Variants in ARHGAP25 observed in about 807,000 individuals in gnomAD.
The protein encoded by ARHGAP25 is Rho GTPase activating protein 25, also known as rho GTPase-activating protein 25.
A neutral mutation model predicts 71.0 loss-of-function variants in ARHGAP25; 34 were observed. The ratio of observed to expected loss-of-function variants is 0.48; its 90% CI spans 0.36 to 0.64. The LOEUF (loss-of-function observed/expected upper bound fraction) is 0.64. ARHGAP25 is among the 30% of genes least tolerant of loss of function. ARHGAP25 has a pLI of 0.00. For missense variants in ARHGAP25, 706 were observed against 805.1 expected, an observed-to-expected ratio of 0.88 and a Z score of 1.49; for synonymous variants, 282 against 296.5, an observed-to-expected ratio of 0.95 and a Z score of 0.50.
chr2:68,741,273 G>A (rs1413914364), intron 1 of ARHGAP25, among the ~76,000 whole-genome samples: 1 of 152,184 alleles, frequency 6.6e-6, no homozygotes, highest in East Asian at 1.9e-4. Context: ...AAATGAGAAT[G>A]AAGAATGGAG....
At chr2:68,820,237 G>A (rs1319270603) in intron 9 of ARHGAP25, among the ~76,000 whole-genome samples, 3 of 152,178 alleles carry the variant, frequency 2.0e-5, no homozygotes, top group Non-Finnish European at 1.5e-5. Context: ...TCATTTAATA[G>A]GTTTCTGCCA....
chr2:68,761,874 C>T (rs35412639), intron 1 of ARHGAP25, among the ~76,000 whole-genome samples: 7,407 of 152,194 alleles, frequency 0.049, 255 homozygotes, highest in Middle Eastern at 0.095. Flanking sequence ...CCCACAATTC[C>T]GCATCTAAAT....
intron 1 of ARHGAP25, among the ~76,000 whole-genome samples, chr2:68,764,944 T>C (rs924208696): frequency 6.6e-5 from 10 of 152,314 alleles, no homozygotes; most frequent in African/African-American, 2.4e-4. Flanking sequence ...TTGTTATTAT[T>C]GAGCTAGTCC....
At chr2:68,797,654 T>A (rs1281222550) in intron 4 of ARHGAP25, among the ~76,000 whole-genome samples, 1 of 152,188 alleles carries the variant, frequency 6.6e-6, no homozygotes, top group East Asian at 1.9e-4. Flanking sequence ...ACCACCCAAG[T>A]TCTCCCATGC....
intron 4 of ARHGAP25, among the ~76,000 whole-genome samples, chr2:68,795,929 A>G (rs994786248): frequency 1.8e-4 from 27 of 152,148 alleles, no homozygotes; most frequent in African/African-American, 6.3e-4. Context: ...TTGTTTCATG[A>G]ATCTGGATGC....
At chr2:68,812,617 G>A (rs1680913113) in intron 5 of ARHGAP25, among the ~76,000 whole-genome samples, 1 of 152,136 alleles carries the variant, frequency 6.6e-6, no homozygotes, top group African/African-American at 2.4e-5. Flanking sequence ...CTGGGTCCTG[G>A]GCTTCCCATA....
chr2:68,769,075 G>C (rs1028134446), intron 1 of ARHGAP25, among the ~76,000 whole-genome samples: 3 of 152,072 alleles, frequency 2.0e-5, no homozygotes, highest in Non-Finnish European at 2.9e-5. Context: ...GTTCAGCAGG[G>C]GGCTGAGTCC....
At chr2:68,810,128 T>TAAAAAAAAAAAAA (rs11332513) in intron 5 of ARHGAP25, among the ~76,000 whole-genome samples, 1 of 129,146 alleles carries the variant, frequency 7.7e-6, no homozygotes, top group Non-Finnish European at 1.6e-5. Flanking sequence ...AGCCCTTGAT[T>TAAAAAAAAAAAAA]AAAAAAAAAA....
At chr2:68,802,284 T>C (rs958407780) in intron 4 of ARHGAP25, among the ~76,000 whole-genome samples, 7 of 151,812 alleles carry the variant, frequency 4.6e-5, no homozygotes, top group African/African-American at 1.7e-4. Flanking sequence ...GGCACGTGCC[T>C]GTAGTCCCAG....
At chr2:68,757,947 G>T (rs1191868372) in intron 1 of ARHGAP25, among the ~76,000 whole-genome samples, 3 of 152,014 alleles carry the variant, frequency 2.0e-5, no homozygotes, top group African/African-American at 7.2e-5. Context: ...GTAATTCTGA[G>T]ACATCTGCAA....
At chr2:68,807,532 T>C (rs1680462705) in intron 5 of ARHGAP25, 52 bp downstream of exon 5, 2 of 1,577,782 alleles carry the variant, frequency 1.3e-6, no homozygotes, top group East Asian at 4.5e-5. Context: ...CTGCTTGGCT[T>C]GGCTGGGAGG....
rs1675137315 is a variant in ARHGAP25 at position 68,735,139 on chromosome 2, A to G, written c.-61A>G. On this transcript the variant is annotated 5_prime_UTR_variant, in exon 1 of 11. Transcript: ENST00000409202. Reference sequence around the variant, plus strand: ...CAGAGGGAAAGAGTGAAAAGACAAGAAGGGCGCAAACTGTGACAGACTCAC... The same window carrying G: ...CAGAGGGAAAGAGTGAAAAGACAAGGAGGGCGCAAACTGTGACAGACTCAC... 1.4e-6 allele frequency: 2 copies of G among 1,382,052 alleles called. No homozygotes were observed. Among genetic ancestry groups the G allele is most frequent in the African/African-American group, 2.9e-5 (2 of 70,026 alleles). The allele number at this position is 1,382,052 out of a possible 1,614,324, so 85.6% of individuals were successfully genotyped here.
intron 2 of ARHGAP25, among the ~76,000 whole-genome samples, chr2:68,722,218 G>T (rs1674778958): frequency 6.6e-6 from 1 of 152,204 alleles, no homozygotes; most frequent in Non-Finnish European, 1.5e-5. Context: ...TTCTTAATAA[G>T]CCACAAGCTC....
At chr2:68,754,508 C>T (rs1676365899) in intron 1 of ARHGAP25, among the ~76,000 whole-genome samples, 1 of 152,188 alleles carries the variant, frequency 6.6e-6, no homozygotes, top group Non-Finnish European at 1.5e-5. Flanking sequence ...GGGATTGTCT[C>T]TAACTTTTAG....
chr2:68,807,504 C>A, intron 5 of ARHGAP25, 24 bp downstream of exon 5: 1 of 1,606,024 alleles, frequency 6.2e-7, no homozygotes, highest in Non-Finnish European at 8.5e-7. Context: ...CTGCAGTGTC[C>A]CACCTCTGCC....
chr2:68,805,718 A>G (rs1466976260), intron 4 of ARHGAP25, among the ~76,000 whole-genome samples: 5 of 152,176 alleles, frequency 3.3e-5, no homozygotes, highest in Admixed American at 6.5e-5. Flanking sequence ...ATGAGGGTCA[A>G]GAGCCTGGTA....
intron 1 of ARHGAP25, among the ~76,000 whole-genome samples, chr2:68,774,117 A>C (rs1677668621): frequency 6.6e-6 from 1 of 152,134 alleles, no homozygotes; most frequent in Admixed American, 6.5e-5. Flanking sequence ...AGGGGGTTGG[A>C]AGATGGAGCC....
At chr2:68,763,496 C>T (rs1020388549) in intron 1 of ARHGAP25, among the ~76,000 whole-genome samples, 5 of 152,168 alleles carry the variant, frequency 3.3e-5, no homozygotes, top group African/African-American at 1.2e-4. Context: ...TTGAGATACA[C>T]TTTAACACCT....
intron 2 of ARHGAP25, among the ~76,000 whole-genome samples, chr2:68,715,123 TA>T (rs1164583079): frequency 6.6e-6 from 1 of 152,192 alleles, no homozygotes; most frequent in African/African-American, 2.4e-5. Context: ...GAAGTCAGGC[TA>T]GAACCACTCC....
Sources: gnomAD v4.1 joint callset for allele counts (sites outside exome capture counted in the v4.1 genomes callset) on GRCh38, gnomAD v4.1.1 for gene constraint, MANE v1.5 for transcripts, NCBI Gene and HGNC (gene_info 2026-07-23, HGNC 2026-07-21) for gene names.